Variants in PCDH11X observed in about 807,000 individuals in gnomAD.
PCDH11X encodes the protein protocadherin-11 X-linked.
Under a neutral mutation model 53.3 loss-of-function variants are expected in PCDH11X, and 18 were observed. The ratio of observed to expected loss-of-function variants is 0.34; its 90% confidence interval spans 0.23 to 0.50. The LOEUF (loss-of-function observed/expected upper bound fraction) is 0.50, where lower values mean the gene tolerates loss of function less well. Among genes scored for constraint, PCDH11X ranks in the 20% least tolerant of loss-of-function variants. The pLI is 0.98. For synonymous variants in PCDH11X, 279 were observed against 393.3 expected (o/e 0.71, Z 3.44); for missense variants, 570 against 1,032.4 (o/e 0.55, Z 6.14).
chrX:92,584,500 A>G (rs988051144), intron 10 of PCDH11X, among the ~76,000 whole-genome samples: 6 of 111,574 alleles, frequency 5.4e-5, no homozygotes, highest in African/African-American at 1.9e-4. Flanking sequence ...CAAAGAAATT[A>G]AACAATTTAG....
intron 6 of PCDH11X, among the ~76,000 whole-genome samples, chrX:91,908,856 A>G (rs939520682): frequency 1.9e-5 from 2 of 107,854 alleles, no homozygotes; most frequent in Admixed American, 1.0e-4. Flanking sequence ...GGTCGTGAAG[A>G]AAAAGGAATT....
chrX:92,123,215 C>T (rs184887075), intron 6 of PCDH11X, among the ~76,000 whole-genome samples: 2 of 111,358 alleles, frequency 1.8e-5, no homozygotes, highest in East Asian at 2.9e-4. Context: ...TGATTTTCTC[C>T]GCCTAGATAA....
At chrX:92,182,796 C>G (rs1277453127) in intron 6 of PCDH11X, among the ~76,000 whole-genome samples, 1 of 111,427 alleles carries the variant, frequency 9.0e-6, no homozygotes, top group Non-Finnish European at 1.9e-5. Flanking sequence ...TCCATTAAAC[C>G]TCTTTCTTTT....
intron 6 of PCDH11X, among the ~76,000 whole-genome samples, chrX:91,908,737 A>G (rs1246454592): frequency 9.2e-6 from 1 of 108,745 alleles, no homozygotes; most frequent in Non-Finnish European, 1.9e-5. Flanking sequence ...CCCGGGAGGC[A>G]GAGGTTGCAG....
Position 92,183,980 on chromosome X carries a change from ATTTT to A in PCDH11X, c.3034-17386_3034-17383del, listed in dbSNP as rs5902996. 1.0e-4 allele frequency among the ~76,000 whole-genome samples: 11 copies of A among 107,533 alleles called. No individual in the cohort carries two copies. The South Asian group carries it at 2.1e-3, about 20-fold the overall frequency. 93.4% of individuals were successfully genotyped at this position (107,533 alleles called of 115,157 possible). The stretch of plus-strand genomic sequence containing the variant: ...AGCACTGGACATTATATAATAGACT[ATTTT>A]TTTTTTTTGTTTATTGCCTTTTACA... On this transcript the variant is annotated intron_variant, in intron 6 of 10. Coordinates refer to ENST00000682573, the MANE Select transcript of PCDH11X (RefSeq NM_032968.5).
rs368597516 is a variant in PCDH11X at position 92,512,258 on chromosome X, G to A, written c.3367+43936G>A. 1.1e-3 allele frequency among the ~76,000 whole-genome samples: 118 copies of A among 111,685 alleles called. 1 individual carries two copies. Among genetic ancestry groups the A allele is most frequent in the African/African-American group, 3.8e-3 (117 of 30,793 alleles). ...GAAAGCAAAATAATTTTGTCTATGT[G>A]ATTCATTGAATTAAATCAGTGCTTC... On this transcript the variant is annotated intron_variant, in intron 10 of 10. Transcript: ENST00000682573.
chrX:91,934,074 A>G (rs1300822596), intron 6 of PCDH11X, among the ~76,000 whole-genome samples: 3 of 111,701 alleles, frequency 2.7e-5, no homozygotes, highest in African/African-American at 9.7e-5. Context: ...AATAAAACTA[A>G]CATCACAGAT....
intron 6 of PCDH11X, among the ~76,000 whole-genome samples, chrX:92,091,822 T>C (rs2064053979): frequency 9.0e-6 from 1 of 110,839 alleles, no homozygotes; most frequent in African/African-American, 3.3e-5. Flanking sequence ...AGAGAGCAGG[T>C]TGTAAAATGT....
chrX:91,823,028 G>T (rs1435463901), intron 4 of PCDH11X, among the ~76,000 whole-genome samples: 1 of 109,112 alleles, frequency 9.2e-6, no homozygotes, highest in Non-Finnish European at 1.9e-5. Context: ...ATTGCACTGT[G>T]GTCTGAGAGA....
At chrX:92,600,857 C>T (rs1926145344) in intron 10 of PCDH11X, among the ~76,000 whole-genome samples, 1 of 101,754 alleles carries the variant, frequency 9.8e-6, no homozygotes, top group Non-Finnish European at 2.0e-5. Flanking sequence ...CCCAAGACCA[C>T]GAGAACCCAC....
intron 6 of PCDH11X, among the ~76,000 whole-genome samples, chrX:92,009,680 T>TA (rs766693097): frequency 8.0e-5 from 8 of 100,003 alleles, no homozygotes; most frequent in African/African-American, 2.2e-4. Context: ...GGCCCCTTGA[T>TA]AAAAAACAGT....
chrX:92,043,748 A>C (rs1293483584), intron 6 of PCDH11X, among the ~76,000 whole-genome samples: 2 of 108,921 alleles, frequency 1.8e-5, no homozygotes, highest in East Asian at 5.8e-4. Context: ...TCATATACAA[A>C]TCCTAATATA....
chrX:92,008,413 C>G (rs1294457), intron 6 of PCDH11X, among the ~76,000 whole-genome samples: 1 of 109,351 alleles, frequency 9.1e-6, no homozygotes, highest in Non-Finnish European at 1.9e-5. Context: ...TCTGGTTTTG[C>G]TTTCTGCTTT....
intron 10 of PCDH11X, among the ~76,000 whole-genome samples, chrX:92,609,338 T>A (rs1259059976): frequency 5.4e-5 from 6 of 111,842 alleles, no homozygotes; most frequent in Admixed American, 9.5e-5. Context: ...CAAACTGTTA[T>A]CTAAATTCCC....
intron 10 of PCDH11X, among the ~76,000 whole-genome samples, chrX:92,499,040 C>T (rs1328014039): frequency 1.1e-5 from 1 of 91,495 alleles, no homozygotes; most frequent in Non-Finnish European, 2.2e-5. Context: ...AAAAAGAAAT[C>T]CGCAGACAGT....
At chrX:92,108,620 A>G (rs987362895) in intron 6 of PCDH11X, among the ~76,000 whole-genome samples, 1 of 111,841 alleles carries the variant, frequency 8.9e-6, no homozygotes, top group African/African-American at 3.3e-5. Flanking sequence ...CCTTTACTAC[A>G]TGGCTGGTTT....
Position 92,501,267 on chromosome X carries a change from T to C in PCDH11X, c.3367+32945T>C, listed in dbSNP as rs1174722560. 3.6e-5 allele frequency among the ~76,000 whole-genome samples: 4 copies of C among 109,919 alleles called. No homozygotes were observed. The East Asian group carries it at 8.7e-4, about 24-fold the overall frequency. The stretch of plus-strand genomic sequence containing the variant: ...TACTAAAAAATAAATCACAGGACCA[T>C]ACAGATTCACAGTGGAATTCTACCA... On this transcript the variant is annotated intron_variant, in intron 10 of 10. Coordinates refer to ENST00000682573, the MANE Select transcript of PCDH11X (RefSeq NM_032968.5).
At chrX:92,340,098 A>AC (rs750166981) in intron 8 of PCDH11X, among the ~76,000 whole-genome samples, 7 of 111,767 alleles carry the variant, frequency 6.3e-5, no homozygotes, top group Non-Finnish European at 1.1e-4. Context: ...TACCATCAGG[A>AC]TGGTCATTAA....
intron 6 of PCDH11X, among the ~76,000 whole-genome samples, chrX:91,971,116 A>G (rs1411113614): frequency 8.9e-6 from 1 of 112,035 alleles, no homozygotes; most frequent in Non-Finnish European, 1.9e-5. Flanking sequence ...TAAGAGATGT[A>G]TAGCTCAAGT....
Sources: gnomAD v4.1 joint callset for allele counts (sites outside exome capture counted in the v4.1 genomes callset) on GRCh38, gnomAD v4.1.1 for gene constraint, MANE v1.5 for transcripts, NCBI Gene and HGNC (gene_info 2026-07-23, HGNC 2026-07-21) for gene names.